The following POU2AF3 variants were observed in gnomAD, a reference collection of about 807,000 sequenced individuals.
The protein encoded by POU2AF3 is cancer susceptibility candidate 13.
At chr11:111,302,229 T>C in the POU2AF3 span, among the ~76,000 whole-genome samples, 1 of 152,188 alleles carries the variant, frequency 6.6e-6, no homozygotes, top group Non-Finnish European at 1.5e-5. Context: ...AAAACCCTTC[T>C]GTTGGCTCTT....
chr11:111,308,614 G>A, the POU2AF3 span: 45 of 540,736 alleles, frequency 8.3e-5, no homozygotes, highest in South Asian at 5.4e-4. Context: ...CGGTCACAGC[G>A]CCACTCCTAC....
At chr11:111,298,900 T>A in the POU2AF3 span, 1 of 1,106,692 alleles carries the variant, frequency 9.0e-7, no homozygotes, top group Non-Finnish European at 1.1e-6. Context: ...GCCCAGAAGC[T>A]GCTACGGGGG....
At chr11:111,298,587 G>C in the POU2AF3 span, 1 of 1,246,628 alleles carries the variant, frequency 8.0e-7, no homozygotes. Flanking sequence ...CCACGATGTC[G>C]GGTAACTCGG....
the POU2AF3 span, chr11:111,300,692 G>A: frequency 1.2e-6 from 1 of 839,326 alleles, no homozygotes. Flanking sequence ...TGCAAGGTGT[G>A]GAGGCCACTC....
At chr11:111,300,187 G>A in the POU2AF3 span, 1 of 334,490 alleles carries the variant, frequency 3.0e-6, no homozygotes, top group African/African-American at 2.1e-5. Context: ...AGGTTCCCCC[G>A]ACCTAATCAG....
the POU2AF3 span, chr11:111,299,269 G>A: frequency 2.0e-6 from 2 of 986,644 alleles, no homozygotes; most frequent in Non-Finnish European, 2.4e-6. Context: ...CAGGCGTCCA[G>A]GCTGAACGCG....
the POU2AF3 span, chr11:111,300,226 A>G: frequency 3.1e-6 from 1 of 319,384 alleles, no homozygotes; most frequent in Non-Finnish European, 5.7e-6. Context: ...ACTGGTCTCC[A>G]TATTCCAGAG....
chr11:111,306,353 A>T, the POU2AF3 span: 1 of 1,244,768 alleles, frequency 8.0e-7, no homozygotes, highest in Non-Finnish European at 1.1e-6. Flanking sequence ...TGTGTTTTGC[A>T]ATTTTTATGC....
chr11:111,304,856 T>C, the POU2AF3 span: 1 of 875,362 alleles, frequency 1.1e-6, no homozygotes, highest in African/African-American at 1.7e-5. Context: ...ATAGTCCTCA[T>C]CAAAATGTCT....
At chr11:111,301,589 G>A in the POU2AF3 span, among the ~76,000 whole-genome samples, 1 of 152,178 alleles carries the variant, frequency 6.6e-6, no homozygotes, top group African/African-American at 2.4e-5. Flanking sequence ...TGATGTAGGG[G>A]AGGTAAACAC....
chr11:111,299,126 CG>C, the POU2AF3 span: 230 of 959,908 alleles, frequency 2.4e-4, no homozygotes, highest in Non-Finnish European at 2.8e-4. Flanking sequence ...TCCCTGGGTC[CG>C]GGCTAGGAAG....
At chr11:111,306,446 G>C in the POU2AF3 span, 3 of 1,493,550 alleles carry the variant, frequency 2.0e-6, no homozygotes, top group East Asian at 7.5e-5. Flanking sequence ...ATTTGCAACG[G>C]GGAGAATTTT....
the POU2AF3 span, chr11:111,308,356 C>G: frequency 4.5e-6 from 7 of 1,551,738 alleles, no homozygotes; most frequent in Non-Finnish European, 6.1e-6. Context: ...CGAGCACAGA[C>G]TGTGTGGACT....
At chr11:111,306,453 T>C in the POU2AF3 span, 1 of 1,495,004 alleles carries the variant, frequency 6.7e-7, no homozygotes. Context: ...ACGGGGAGAA[T>C]TTTCCAGTTG....
At chr11:111,300,138 A>G in the POU2AF3 span, 7 of 373,596 alleles carry the variant, frequency 1.9e-5, no homozygotes, top group African/African-American at 1.2e-4. Flanking sequence ...CCCCAGGTCC[A>G]TAATACCCTC....
At chr11:111,298,826 G>GCCGGGGGGCCCC in the POU2AF3 span, 1 of 790,962 alleles carries the variant, frequency 1.3e-6, no homozygotes, top group Non-Finnish European at 1.7e-6. Context: ...CGTACCCCAG[G>GCCGGGGGGCCCC]CCCCCGCCCG....
At chr11:111,303,550 A>G in the POU2AF3 span, among the ~76,000 whole-genome samples, 1 of 152,200 alleles carries the variant, frequency 6.6e-6, no homozygotes, top group Non-Finnish European at 1.5e-5. Flanking sequence ...CAAACAGGCC[A>G]ATCCGGGGGA....
At chr11:111,301,454 T>C in the POU2AF3 span, among the ~76,000 whole-genome samples, 107,628 of 152,052 alleles carry the variant, frequency 0.71, 38,306 homozygotes, top group South Asian at 0.83. Context: ...TTAGGATTGG[T>C]CCTTCTCCAG....
the POU2AF3 span, among the ~76,000 whole-genome samples, chr11:111,303,304 C>T: frequency 2.0e-5 from 3 of 152,158 alleles, no homozygotes; most frequent in Non-Finnish European, 4.4e-5. Flanking sequence ...TTGAGTTAGT[C>T]GTTATCAAAA....
Sources: gnomAD v4.1 joint callset for allele counts (sites outside exome capture counted in the v4.1 genomes callset) on GRCh38, gnomAD v4.1.1 for gene constraint, MANE v1.5 for transcripts, NCBI Gene and HGNC (gene_info 2026-07-23, HGNC 2026-07-21) for gene names.